CNTNAP5: variants seen among roughly 807,000 people sequenced by gnomAD.
The protein encoded by CNTNAP5 is contactin-associated protein-like 5.
A neutral mutation model predicts 150.2 loss-of-function variants in CNTNAP5; 72 were observed. The ratio of observed to expected loss-of-function variants is 0.48; its 90% CI spans 0.40 to 0.58. The LOEUF is 0.58. Ranked by LOEUF, CNTNAP5 falls within the 20% of genes least tolerant of loss-of-function variation. CNTNAP5 has a pLI of 0.00. For synonymous variants in CNTNAP5, 672 were observed against 619.8 expected, an observed-to-expected ratio of 1.08 and a Z score of -1.25; for missense variants, 1,636 against 1,626.2, an observed-to-expected ratio of 1.01 and a Z score of -0.10.
chr2:124,402,372 G>A (rs191021298), intron 3 of CNTNAP5, among the ~76,000 whole-genome samples: 7 of 152,266 alleles, frequency 4.6e-5, no homozygotes, highest in Admixed American at 3.9e-4. Flanking sequence ...CACCTTCAGT[G>A]TCCCAGGTAC....
chr2:124,088,685 C>G (rs1682751555), intron 1 of CNTNAP5, among the ~76,000 whole-genome samples: 1 of 152,024 alleles, frequency 6.6e-6, no homozygotes, highest in Non-Finnish European at 1.5e-5. Flanking sequence ...TGGTACCTGA[C>G]TGGTGGGTTC....
intron 3 of CNTNAP5, among the ~76,000 whole-genome samples, chr2:124,387,434 G>C (rs1054898268): frequency 6.6e-6 from 1 of 152,226 alleles, no homozygotes; most frequent in East Asian, 1.9e-4. Flanking sequence ...TTTCACCTGG[G>C]TGTAGGTGGG....
chr2:124,884,915 T>C (rs1355348346), intron 21 of CNTNAP5, among the ~76,000 whole-genome samples: 1 of 152,068 alleles, frequency 6.6e-6, no homozygotes, highest in Admixed American at 6.6e-5. Context: ...TAAGATTGCT[T>C]TACTTGCGAG....
intron 1 of CNTNAP5, among the ~76,000 whole-genome samples, chr2:124,217,239 A>C (rs186239775): frequency 6.6e-6 from 1 of 152,012 alleles, no homozygotes; most frequent in Non-Finnish European, 1.5e-5. Context: ...TTTTTTTCTT[A>C]AAATTCAAAT....
chr2:124,707,159 GAAGAAGAAGAAGAAGAA>G (rs1679701608), intron 13 of CNTNAP5, among the ~76,000 whole-genome samples: 1 of 107,174 alleles, frequency 9.3e-6, no homozygotes, highest in Non-Finnish European at 2.0e-5. Context: ...AGAAGAAGAA[GAAGAAGAAGAAGAAGAA>G]GAAGAAGAAG....
chr2:124,687,250 G>A (rs1679211310), intron 13 of CNTNAP5, among the ~76,000 whole-genome samples: 1 of 151,842 alleles, frequency 6.6e-6, no homozygotes, highest in Admixed American at 6.6e-5. Context: ...TCTTCTGCTT[G>A]AAGAGCCTGA....
intron 4 of CNTNAP5, among the ~76,000 whole-genome samples, chr2:124,427,299 G>T (rs999813540): frequency 4.6e-5 from 7 of 152,100 alleles, no homozygotes; most frequent in Admixed American, 1.3e-4. Context: ...GGCTGACCAT[G>T]CAAGTAATCT....
chr2:124,523,417 T>C (rs1694894346), intron 8 of CNTNAP5, among the ~76,000 whole-genome samples: 1 of 152,192 alleles, frequency 6.6e-6, no homozygotes, highest in Non-Finnish European at 1.5e-5. Context: ...CTTTATTTTC[T>C]CAGCAAGCAC....
intron 1 of CNTNAP5, among the ~76,000 whole-genome samples, chr2:124,112,872 G>A (rs372244779): frequency 7.9e-5 from 12 of 151,944 alleles, no homozygotes; most frequent in Non-Finnish European, 1.2e-4. Flanking sequence ...TCCCCTTAAG[G>A]TTCTTTCAAG....
chr2:124,325,743 A>C lies in CNTNAP5; in HGVS notation c.381+83350A>C, dbSNP rs564813336. Among the ~76,000 whole-genome samples, 4 of 152,322 alleles carry C rather than the reference A, an allele frequency of 2.6e-5. 1 individual carries two copies. The South Asian group carries it at 8.3e-4, about 32-fold the overall frequency. ...TTCGAAGCTTCCTTCCCAGTAGAAT[A>C]CTGTACATTTAACTATATATTGCAA... On this transcript the variant is annotated intron_variant, in intron 3 of 23. Coordinates refer to ENST00000682447, the MANE Select transcript of CNTNAP5 (RefSeq NM_001367498.1).
At chr2:124,321,228 G>A (rs554269306) in intron 3 of CNTNAP5, among the ~76,000 whole-genome samples, 58 of 152,252 alleles carry the variant, frequency 3.8e-4, no homozygotes, top group African/African-American at 1.4e-3. Flanking sequence ...GATCGCCTGA[G>A]GTTGGGAGTT....
At chr2:124,148,765 GC>G (rs1310855902) in intron 1 of CNTNAP5, among the ~76,000 whole-genome samples, 10 of 148,452 alleles carry the variant, frequency 6.7e-5, no homozygotes, top group East Asian at 6.0e-4. Flanking sequence ...ATATATATTT[GC>G]GTGTGCACAT....
chr2:124,727,239 T>C (rs1331918707), intron 13 of CNTNAP5, among the ~76,000 whole-genome samples: 1 of 152,068 alleles, frequency 6.6e-6, no homozygotes, highest in Non-Finnish European at 1.5e-5. Flanking sequence ...CTACTGTAGC[T>C]TTATATTTGA....
chr2:124,294,260 G>A (rs1259532353), intron 3 of CNTNAP5, among the ~76,000 whole-genome samples: 1 of 112,302 alleles, frequency 8.9e-6, no homozygotes, highest in East Asian at 2.8e-4. Flanking sequence ...CAGGAAAAGA[G>A]TCTTGGGCAC....
intron 1 of CNTNAP5, among the ~76,000 whole-genome samples, chr2:124,114,572 T>C (rs1447666132): frequency 6.6e-6 from 1 of 151,916 alleles, no homozygotes; most frequent in African/African-American, 2.4e-5. Flanking sequence ...ATTAATGGCA[T>C]TTATATATTT....
At chr2:124,774,649 C>G (rs1213855716) in intron 17 of CNTNAP5, among the ~76,000 whole-genome samples, 2 of 152,100 alleles carry the variant, frequency 1.3e-5, no homozygotes, top group Middle Eastern at 3.2e-3. Context: ...TCATCAAAAT[C>G]TAATATATTT....
At chr2:124,419,300 A>G (rs76524201) in intron 4 of CNTNAP5, among the ~76,000 whole-genome samples, 5,931 of 151,990 alleles carry the variant, frequency 0.039, 163 homozygotes, top group Non-Finnish European at 0.053. Context: ...AGTTGTACTT[A>G]TTTTTCATGC....
At chr2:124,749,569 G>T (rs1680679986) in intron 14 of CNTNAP5, among the ~76,000 whole-genome samples, 1 of 151,918 alleles carries the variant, frequency 6.6e-6, no homozygotes, top group Non-Finnish European at 1.5e-5. Context: ...GTATTACAGG[G>T]CACACCACCA....
At chr2:124,751,418 T>C (rs72847333) in intron 14 of CNTNAP5, among the ~76,000 whole-genome samples, 10,854 of 152,274 alleles carry the variant, frequency 0.071, 532 homozygotes, top group Non-Finnish European at 0.094. Flanking sequence ...GCTAGCTTTG[T>C]CTGTACAAGG....
Sources: allele counts gnomAD v4.1 joint callset (sites outside exome capture counted in the v4.1 genomes callset), GRCh38; gene constraint gnomAD v4.1.1; transcripts MANE v1.5; gene names NCBI Gene and HGNC (gene_info 2026-07-23, HGNC 2026-07-21).